SPAG16: variants seen among roughly 807,000 people sequenced by gnomAD.
The protein encoded by SPAG16 is sperm associated antigen 16.
Under a neutral mutation model 80.4 loss-of-function variants are expected in SPAG16, and 86 were observed. The observed-to-expected ratio is 1.07, with a 90% CI of 0.90 to 1.28. SPAG16 has a LOEUF of 1.28. Among genes scored for constraint, SPAG16 ranks in the 50% most tolerant of loss-of-function variants. The pLI is 0.00. For missense variants in SPAG16, 870 were observed against 765.3 expected, an observed-to-expected ratio of 1.14 and a Z score of -1.61; for synonymous variants, 294 against 265.9, an observed-to-expected ratio of 1.11 and a Z score of -1.03.
intron 12 of SPAG16, among the ~76,000 whole-genome samples, chr2:213,980,933 C>T (rs112366746): frequency 0.045 from 6,748 of 151,536 alleles, 506 homozygotes; most frequent in African/African-American, 0.16. Context: ...AGAGTAAATA[C>T]GTTCTGAGTA....
At chr2:214,174,106 A>G (rs1274387654) in intron 15 of SPAG16, among the ~76,000 whole-genome samples, 1 of 152,062 alleles carries the variant, frequency 6.6e-6, no homozygotes, top group African/African-American at 2.4e-5. Flanking sequence ...ATCTATGACA[A>G]ACCCACAGCC....
In SPAG16 at chr2:214,178,895, A is replaced by T. The variant is rs114864938; in HGVS notation, c.1720+29629A>T. On this transcript the variant is annotated intron_variant, in intron 15 of 15. Coordinates refer to ENST00000331683, the MANE Select transcript of SPAG16 (RefSeq NM_024532.5). ...ATGCAAATAATATATAGTTTATTATATATAGCGTGTAAATAAAAGCCCAGT... is the reference window on the plus strand; with the variant it reads ...ATGCAAATAATATATAGTTTATTATTTATAGCGTGTAAATAAAAGCCCAGT... 8.3e-3 allele frequency among the ~76,000 whole-genome samples: 1,260 copies of T among 151,368 alleles called. 22 individuals are homozygous for T. The highest frequency in any genetic ancestry group is 0.029 in the African/African-American group (1,205 of 41,454).
At chr2:213,581,449 C>G (rs1354257933) in intron 10 of SPAG16, among the ~76,000 whole-genome samples, 1 of 152,004 alleles carries the variant, frequency 6.6e-6, no homozygotes, top group Non-Finnish European at 1.5e-5. Flanking sequence ...GAACTGGGTT[C>G]AACCAGTCCT....
chr2:213,619,369 T>G lies in SPAG16; in HGVS notation c.1070+129279T>G, dbSNP rs374336062. Among the ~76,000 whole-genome samples, 5 of 152,162 alleles carry G rather than the reference T, an allele frequency of 3.3e-5. No individual in the cohort carries two copies. In the East Asian group the frequency reaches 9.6e-4, roughly 29 times the overall value. ...CAAAGGAAACAATAAGCAAGGTGAA[T>G]AGACAGCCTGTAGAATAAGAGAGAA... On this transcript the variant is annotated intron_variant, in intron 10 of 15. Transcript: ENST00000331683.
intron 10 of SPAG16, among the ~76,000 whole-genome samples, chr2:213,793,158 C>T (rs1380219398): frequency 1.3e-5 from 2 of 151,706 alleles, no homozygotes; most frequent in African/African-American, 4.8e-5. Context: ...GAGCTCCTGA[C>T]CTCAGGTGAT....
chr2:213,717,145 A>G (rs1193686743), intron 10 of SPAG16, among the ~76,000 whole-genome samples: 1 of 151,716 alleles, frequency 6.6e-6, no homozygotes, highest in Admixed American at 6.6e-5. Context: ...TGTGAAAAGC[A>G]GAAACTTTTC....
intron 10 of SPAG16, among the ~76,000 whole-genome samples, chr2:213,797,498 T>C (rs1482051106): frequency 6.6e-6 from 1 of 152,216 alleles, no homozygotes; most frequent in African/African-American, 2.4e-5. Flanking sequence ...ACAATGCCTA[T>C]AGTATACAAG....
At chr2:213,858,611 G>A (rs888498144) in intron 10 of SPAG16, among the ~76,000 whole-genome samples, 23 of 152,150 alleles carry the variant, frequency 1.5e-4, no homozygotes, top group Admixed American at 6.6e-5. Flanking sequence ...AACCAAGATT[G>A]CCTGATACCT....
At chr2:214,101,838 A>T (rs1424923061) in intron 13 of SPAG16, among the ~76,000 whole-genome samples, 1 of 152,202 alleles carries the variant, frequency 6.6e-6, no homozygotes, top group Non-Finnish European at 1.5e-5. Flanking sequence ...TAAAACATTT[A>T]GCATAATGCT....
chr2:213,703,721 C>T (rs532652327), intron 10 of SPAG16, among the ~76,000 whole-genome samples: 2 of 152,212 alleles, frequency 1.3e-5, no homozygotes, highest in African/African-American at 2.4e-5. Flanking sequence ...TCAGAGTAAC[C>T]TCAGTCAGTG....
intron 3 of SPAG16, among the ~76,000 whole-genome samples, chr2:213,308,407 A>G (rs1174004247): frequency 2.0e-5 from 3 of 152,106 alleles, no homozygotes; most frequent in Admixed American, 2.0e-4. Context: ...GCTTGGGACC[A>G]TAGTATTTCA....
chr2:213,959,563 T>C (rs1465303353), intron 12 of SPAG16, among the ~76,000 whole-genome samples: 1 of 152,180 alleles, frequency 6.6e-6, no homozygotes. Flanking sequence ...ATATGTGTTT[T>C]CTAAGCTAGA....
intron 10 of SPAG16, among the ~76,000 whole-genome samples, chr2:213,725,944 C>G (rs532319926): frequency 2.0e-5 from 3 of 152,198 alleles, no homozygotes; most frequent in Admixed American, 6.5e-5. Context: ...AGTGGGGGAC[C>G]CTACAATCTG....
At chr2:213,957,640 T>C (rs1327232709) in intron 12 of SPAG16, among the ~76,000 whole-genome samples, 2 of 152,206 alleles carry the variant, frequency 1.3e-5, no homozygotes, top group African/African-American at 4.8e-5. Flanking sequence ...CTATTTCTTT[T>C]CCATATACCT....
intron 11 of SPAG16, among the ~76,000 whole-genome samples, chr2:213,892,589 C>A (rs1039891682): frequency 6.6e-6 from 1 of 151,962 alleles, no homozygotes; most frequent in Non-Finnish European, 1.5e-5. Flanking sequence ...AGAAATATAT[C>A]AGAAAAATTT....
intron 14 of SPAG16, among the ~76,000 whole-genome samples, chr2:214,109,138 A>G (rs774519120): frequency 1.3e-5 from 2 of 152,114 alleles, no homozygotes; most frequent in African/African-American, 4.8e-5. Flanking sequence ...TCATGAAATG[A>G]TGGTGCCATG....
At chr2:214,299,301 A>G (rs1054876011) in intron 15 of SPAG16, among the ~76,000 whole-genome samples, 15 of 119,686 alleles carry the variant, frequency 1.3e-4, no homozygotes, top group Non-Finnish European at 1.3e-4. Context: ...CCCAGGCTGG[A>G]GTGCAGTGGC....
chr2:213,764,873 G>A (rs1275730433), intron 10 of SPAG16, among the ~76,000 whole-genome samples: 1 of 152,038 alleles, frequency 6.6e-6, no homozygotes, highest in Non-Finnish European at 1.5e-5. Flanking sequence ...GTTTCTCAAA[G>A]AATGCTCATT....
rs1392175761 is a variant in SPAG16 at position 213,571,316 on chromosome 2, C to T, written c.1070+81226C>T. On this transcript the variant is annotated intron_variant, in intron 10 of 15. Coordinates refer to ENST00000331683, the MANE Select transcript of SPAG16 (RefSeq NM_024532.5). ...TGGTGATTTTGCTCATTAGTTGATG[C>T]AGTTTCTTCCTAGTCTCGATGGTCT... is the stretch of plus-strand genomic sequence containing the variant. Among the ~76,000 whole-genome samples, 28 of 3,760 alleles carry T rather than the reference C, an allele frequency of 7.4e-3. 1 individual carries two copies. The highest frequency in any genetic ancestry group is 0.056 in the African/African-American group (26 of 462). 2.5% of individuals were successfully genotyped at this position (3,760 alleles called of 152,430 possible). A position where few individuals can be genotyped will look rare whatever the true frequency, so the allele number is the denominator to read the frequency against.
Sources: allele counts gnomAD v4.1 joint callset (sites outside exome capture counted in the v4.1 genomes callset), GRCh38; gene constraint gnomAD v4.1.1; transcripts MANE v1.5; gene names NCBI Gene and HGNC (gene_info 2026-07-23, HGNC 2026-07-21).